Variants in CNTNAP2 observed in about 807,000 individuals in gnomAD.
CNTNAP2 encodes the protein contactin associated protein 2.
A neutral mutation model predicts 155.2 loss-of-function variants in CNTNAP2; 98 were observed. The observed-to-expected ratio is 0.63, with a 90% CI of 0.54 to 0.75. The LOEUF is 0.75. CNTNAP2 is among the 30% of genes least tolerant of loss of function. CNTNAP2 has a pLI of 0.00. For synonymous variants in CNTNAP2, 651 were observed against 631.2 expected, an observed-to-expected ratio of 1.03 and a Z score of -0.47; for missense variants, 1,727 against 1,688.1, an observed-to-expected ratio of 1.02 and a Z score of -0.40.
chr7:148,040,649 A>AAC, intron 15 of CNTNAP2, among the ~76,000 whole-genome samples: 1 of 152,348 alleles, frequency 6.6e-6, no homozygotes, highest in East Asian at 1.9e-4. Flanking sequence ...CACATACACA[A>AAC]ACACACACAC....
chr7:147,636,833 A>G (rs542279839), intron 12 of CNTNAP2, among the ~76,000 whole-genome samples: 11 of 152,270 alleles, frequency 7.2e-5, no homozygotes, highest in African/African-American at 2.2e-4. Context: ...TAAAGGGGAG[A>G]TGAATGCTAG....
At chr7:146,266,677 CAG>C (rs967704146) in intron 1 of CNTNAP2, among the ~76,000 whole-genome samples, 102 of 152,118 alleles carry the variant, frequency 6.7e-4, no homozygotes, top group African/African-American at 2.3e-3. Context: ...AACTGCTAAA[CAG>C]AGAAAACAAG....
In CNTNAP2 at chr7:148,092,348, G is replaced by T. The variant is rs182629766; in HGVS notation, c.2384-25770G>T. On this transcript the variant is annotated intron_variant, in intron 15 of 23. Coordinates refer to ENST00000361727, the MANE Select transcript of CNTNAP2 (RefSeq NM_014141.6). ...ATGCATCAAGTGTTTCCATCTTAAT[G>T]AGTGGCATGATTCCAGAAGGGCAAC... Among the ~76,000 whole-genome samples, 4 of 152,270 alleles carry T rather than the reference G, an allele frequency of 2.6e-5. No homozygotes were observed. In the East Asian group the frequency reaches 7.7e-4, roughly 29 times the overall value.
intron 16 of CNTNAP2, among the ~76,000 whole-genome samples, chr7:148,130,245 C>T (rs575075345): frequency 6.6e-6 from 1 of 152,242 alleles, no homozygotes; most frequent in Non-Finnish European, 1.5e-5. Context: ...TAGAACACTG[C>T]ATTTTTAATA....
chr7:148,247,884 C>T (rs1585215114), intron 20 of CNTNAP2, among the ~76,000 whole-genome samples: 1 of 151,996 alleles, frequency 6.6e-6, no homozygotes, highest in South Asian at 2.1e-4. Flanking sequence ...GGACCCCTGA[C>T]CTCAAGCAAT....
chr7:146,245,727 G>C (rs1472625618), intron 1 of CNTNAP2, among the ~76,000 whole-genome samples: 1 of 152,154 alleles, frequency 6.6e-6, no homozygotes, highest in East Asian at 1.9e-4. Flanking sequence ...CTTGACTGAA[G>C]TAATGGGGGC....
intron 1 of CNTNAP2, among the ~76,000 whole-genome samples, chr7:146,622,192 CAT>C (rs1282598266): frequency 7.7e-5 from 10 of 130,180 alleles, no homozygotes; most frequent in East Asian, 2.0e-4. Context: ...CACATATATA[CAT>C]ATATATACAC....
intron 8 of CNTNAP2, among the ~76,000 whole-genome samples, chr7:147,178,615 C>A (rs1802395233): frequency 6.6e-6 from 1 of 152,098 alleles, no homozygotes; most frequent in Non-Finnish European, 1.5e-5. Flanking sequence ...CCCCTCTTAC[C>A]CAAATACTGT....
At chr7:148,340,624 C>T (rs544129801) in intron 21 of CNTNAP2, among the ~76,000 whole-genome samples, 1 of 152,320 alleles carries the variant, frequency 6.6e-6, no homozygotes, top group South Asian at 2.1e-4. Flanking sequence ...TAATCATCAC[C>T]ATTAGCACTT....
At chr7:147,419,309 GCT>G (rs1177036170) in intron 10 of CNTNAP2, among the ~76,000 whole-genome samples, 3 of 152,086 alleles carry the variant, frequency 2.0e-5, no homozygotes, top group African/African-American at 7.2e-5. Flanking sequence ...AGGAGTCCCT[GCT>G]TGCCCTCTCA....
intron 1 of CNTNAP2, among the ~76,000 whole-genome samples, chr7:146,262,524 A>G (rs1799935800): frequency 6.6e-6 from 1 of 152,204 alleles, no homozygotes; most frequent in Admixed American, 6.5e-5. Flanking sequence ...CATTTTTCCA[A>G]TATGTACAAA....
At chr7:147,673,095 A>C (rs1795815113) in intron 13 of CNTNAP2, 1 of 152,090 alleles carries the variant, frequency 6.6e-6, no homozygotes, top group Non-Finnish European at 1.5e-5. Context: ...AAATCAATGG[A>C]TTTGATTCTA....
intron 15 of CNTNAP2, among the ~76,000 whole-genome samples, chr7:148,101,350 AGTGTGTGTGTGTGTGTGTGTGT>A (rs4015917): frequency 6.9e-6 from 1 of 144,358 alleles, no homozygotes. Flanking sequence ...TAAAAAGTTC[AGTGTGTGTGTGTGTGTGTGTGT>A]GTGTGTGTGT....
At chr7:147,568,880 C>T (rs1357797349) in intron 12 of CNTNAP2, among the ~76,000 whole-genome samples, 12 of 152,154 alleles carry the variant, frequency 7.9e-5, no homozygotes, top group Non-Finnish European at 1.5e-5. Flanking sequence ...TGAAACTTTA[C>T]TGTCTATCCT....
chr7:146,408,628 T>TG (rs146615290), intron 1 of CNTNAP2, among the ~76,000 whole-genome samples: 1 of 89,466 alleles, frequency 1.1e-5, no homozygotes, highest in African/African-American at 4.6e-5. Flanking sequence ...TGTCATGGGG[T>TG]GGGGGGAGGG....
intron 13 of CNTNAP2, among the ~76,000 whole-genome samples, chr7:147,661,255 A>AT (rs111608329): frequency 0.04 from 6,055 of 151,068 alleles, 402 homozygotes; most frequent in African/African-American, 0.14. Context: ...ATGCCGTGTC[A>AT]TTTTTTTTTG....
intron 22 of CNTNAP2, among the ~76,000 whole-genome samples, chr7:148,401,640 CCAGGCTGGAGTGCAGTGGCA>C (rs1173654768): frequency 2.0e-5 from 3 of 151,610 alleles, no homozygotes; most frequent in Non-Finnish European, 4.4e-5. Flanking sequence ...GCTCTTTTGC[CCAGGCTGGAGTGCAGTGGCA>C]CAATCTCGGC....
At chr7:148,217,831 A>C (rs1235922184) in intron 19 of CNTNAP2, among the ~76,000 whole-genome samples, 1 of 152,254 alleles carries the variant, frequency 6.6e-6, no homozygotes, top group Non-Finnish European at 1.5e-5. Context: ...TCCCTACTAA[A>C]TAAACACATT....
chr7:147,725,509 A>G (rs1796626131), intron 13 of CNTNAP2, among the ~76,000 whole-genome samples: 1 of 147,650 alleles, frequency 6.8e-6, no homozygotes, highest in Non-Finnish European at 1.5e-5. Flanking sequence ...AGAATATATC[A>G]TTATTAGTGG....
Sources: gnomAD v4.1 joint callset for allele counts (sites outside exome capture counted in the v4.1 genomes callset) on GRCh38, gnomAD v4.1.1 for gene constraint, MANE v1.5 for transcripts, NCBI Gene and HGNC (gene_info 2026-07-23, HGNC 2026-07-21) for gene names.